Variants in CSMD1 observed in about 807,000 individuals in gnomAD.
The protein encoded by CSMD1 is CUB and sushi domain-containing protein 1.
CSMD1 carries 213 observed loss-of-function variants against 417.5 expected under a neutral mutation model. That is an observed-to-expected ratio of 0.51 (90% CI 0.46 to 0.57). CSMD1 has a LOEUF of 0.57. CSMD1 is among the 20% of genes least tolerant of loss of function. The probability of loss-of-function intolerance (pLI) is 0.00; values close to 1 mark genes in which losing one functional copy is unlikely to be tolerated. For missense variants in CSMD1, 6,923 were observed against 4,529.7 expected, an observed-to-expected ratio of 1.53 and a Z score of -15.17; for synonymous variants, 2,862 against 1,736.8, an observed-to-expected ratio of 1.65 and a Z score of -16.11.
rs549243223 is a variant in CSMD1, at chr8:3,594,847, C to T, written c.1098-8587G>A. On this transcript the variant is annotated intron_variant, in intron 8 of 69. Transcript: ENST00000635120. ...TTCACCTTGAAATCTCTCACAGCTT[C>T]CAGCACTGCTCATGGAGCTTCTGAG... Among the ~76,000 whole-genome samples the T allele has an allele frequency of 2.4e-4, 36 of 152,254 alleles. 2 individuals carry two copies. The South Asian group carries it at 7.5e-3, about 32-fold the overall frequency.
chr8:4,402,589 C>T (rs984880896), intron 3 of CSMD1, among the ~76,000 whole-genome samples: 1 of 152,150 alleles, frequency 6.6e-6, no homozygotes, highest in South Asian at 2.1e-4. Context: ...ATAGAAGATG[C>T]TTTGAATATT....
intron 23 of CSMD1, among the ~76,000 whole-genome samples, chr8:3,333,085 A>C (rs1045249611): frequency 6.6e-6 from 1 of 152,296 alleles, no homozygotes. Context: ...CGTGGCAGGG[A>C]AATGCCAGTG....
chr8:4,045,534 C>A (rs978254000), intron 3 of CSMD1, among the ~76,000 whole-genome samples: 2 of 152,126 alleles, frequency 1.3e-5, no homozygotes, highest in African/African-American at 4.8e-5. Context: ...GCCCTGTGGG[C>A]AGCAGATGCT....
intron 54 of CSMD1, among the ~76,000 whole-genome samples, chr8:2,981,302 A>T (rs887700184): frequency 2.0e-5 from 3 of 152,174 alleles, no homozygotes; most frequent in African/African-American, 7.2e-5. Context: ...AACAATTCCT[A>T]TCCAGGGATC....
At chr8:3,048,459 G>C (rs1394999743) in intron 50 of CSMD1, among the ~76,000 whole-genome samples, 2 of 152,130 alleles carry the variant, frequency 1.3e-5, no homozygotes, top group African/African-American at 4.8e-5. Context: ...ACTTCGAGCA[G>C]AAGAGCAAAC....
intron 6 of CSMD1, among the ~76,000 whole-genome samples, chr8:3,725,526 G>A (rs1439321099): frequency 6.6e-6 from 1 of 152,174 alleles, no homozygotes; most frequent in Non-Finnish European, 1.5e-5. Flanking sequence ...GTATGTGTAT[G>A]TGGGTTTGTG....
chr8:3,406,386 G>A (rs1023989026), intron 14 of CSMD1, among the ~76,000 whole-genome samples, 165 bp from the exon 15 acceptor site: 4 of 152,070 alleles, frequency 2.6e-5, no homozygotes, highest in Admixed American at 1.3e-4. Flanking sequence ...TTAATAAATA[G>A]GATATCAGTG....
At chr8:4,425,708 G>A (rs940364777) in intron 2 of CSMD1, among the ~76,000 whole-genome samples, 1 of 152,036 alleles carries the variant, frequency 6.6e-6, no homozygotes, top group Non-Finnish European at 1.5e-5. Context: ...TCAACACATA[G>A]TAAATTACGA....
At chr8:3,433,396 G>T (rs1053428086) in intron 12 of CSMD1, among the ~76,000 whole-genome samples, 1 of 152,118 alleles carries the variant, frequency 6.6e-6, no homozygotes, top group Non-Finnish European at 1.5e-5. Flanking sequence ...GGCATTAAGT[G>T]AACTACCCAC....
At chr8:3,670,264 G>A (rs1563254554) in intron 7 of CSMD1, among the ~76,000 whole-genome samples, 1 of 151,902 alleles carries the variant, frequency 6.6e-6, no homozygotes. Flanking sequence ...GGTCAGACTG[G>A]CCTAGCCTCC....
intron 7 of CSMD1, among the ~76,000 whole-genome samples, chr8:3,659,791 T>C (rs370631499): frequency 3.3e-5 from 5 of 152,202 alleles, no homozygotes; most frequent in Admixed American, 1.3e-4. Flanking sequence ...CAATACGCAA[T>C]AGAACTGGGA....
At chr8:4,464,465 G>T (rs1433288828) in intron 2 of CSMD1, among the ~76,000 whole-genome samples, 1 of 152,140 alleles carries the variant, frequency 6.6e-6, no homozygotes, top group Non-Finnish European at 1.5e-5. Flanking sequence ...CTACAGCTGG[G>T]AAAACCACCT....
chr8:3,822,713 C>G (rs954841825), intron 5 of CSMD1, among the ~76,000 whole-genome samples: 1 of 152,078 alleles, frequency 6.6e-6, no homozygotes, highest in African/African-American at 2.4e-5. Context: ...CAGGTGACAC[C>G]CTAAAGTCCT....
chr8:3,129,384 C>G (rs1486887945), intron 41 of CSMD1, among the ~76,000 whole-genome samples: 1 of 152,154 alleles, frequency 6.6e-6, no homozygotes, highest in Non-Finnish European at 1.5e-5. Flanking sequence ...TATTTATAGA[C>G]CATTATTACA....
chr8:3,433,227 G>C (rs941082300), intron 12 of CSMD1, among the ~76,000 whole-genome samples: 2 of 152,200 alleles, frequency 1.3e-5, no homozygotes, highest in Non-Finnish European at 2.9e-5. Context: ...TGTTGACATA[G>C]AGATGTAGTT....
intron 2 of CSMD1, among the ~76,000 whole-genome samples, chr8:4,560,191 C>T (rs1408370863): frequency 6.6e-6 from 1 of 152,234 alleles, no homozygotes; most frequent in East Asian, 1.9e-4. Context: ...CAGTTCCATG[C>T]TGCAAGAAGC....
chr8:3,671,472 C>T, intron 7 of CSMD1, among the ~76,000 whole-genome samples: 1 of 117,984 alleles, frequency 8.5e-6, no homozygotes, highest in Non-Finnish European at 1.7e-5. Context: ...CACATATAAT[C>T]ATATATATAC....
intron 7 of CSMD1, among the ~76,000 whole-genome samples, chr8:3,659,728 T>C (rs745555476): frequency 6.6e-6 from 1 of 152,148 alleles, no homozygotes; most frequent in African/African-American, 2.4e-5. Flanking sequence ...CACTCCATAA[T>C]ATTAATTCCC....
chr8:3,303,508 G>A (rs187566233), intron 25 of CSMD1, among the ~76,000 whole-genome samples: 1 of 152,146 alleles, frequency 6.6e-6, no homozygotes, highest in Non-Finnish European at 1.5e-5. Flanking sequence ...TTTTCATACT[G>A]TGCGAGCTTA....
Sources: allele counts gnomAD v4.1 joint callset (sites outside exome capture counted in the v4.1 genomes callset), GRCh38; gene constraint gnomAD v4.1.1; transcripts MANE v1.5; gene names NCBI Gene and HGNC (gene_info 2026-07-23, HGNC 2026-07-21).